Variants in KATNAL1 observed in about 807,000 individuals in gnomAD.
KATNAL1 encodes katanin catalytic subunit A1 like 1.
Under a neutral mutation model 55.2 loss-of-function variants are expected in KATNAL1, and 32 were observed. The observed-to-expected ratio is 0.58, with a 90% CI of 0.44 to 0.78. KATNAL1 has a LOEUF of 0.78. Among genes scored for constraint, KATNAL1 ranks in the 30% least tolerant of loss-of-function variants. The probability of loss-of-function intolerance (pLI) is 0.00; values close to 1 mark genes in which losing one functional copy is unlikely to be tolerated. For synonymous variants in KATNAL1, 193 were observed against 193.6 expected (o/e 1.00, Z 0.02); for missense variants, 466 against 600.9 (o/e 0.78, Z 2.35).
At chr13:30,222,236 C>T (rs555902725) in intron 9 of KATNAL1, among the ~76,000 whole-genome samples, 6 of 152,210 alleles carry the variant, frequency 3.9e-5, no homozygotes, top group South Asian at 2.1e-4. Flanking sequence ...CTGCCCCCAC[C>T]GCCCACACTG....
At chr13:30,229,745 C>G (rs904944468) in intron 8 of KATNAL1, among the ~76,000 whole-genome samples, 11 of 151,924 alleles carry the variant, frequency 7.2e-5, no homozygotes, top group Non-Finnish European at 1.6e-4. Context: ...TTGAGAACCC[C>G]AAAGAGCTTT....
chr13:30,274,751 G>A (rs1311372342), intron 3 of KATNAL1, among the ~76,000 whole-genome samples: 1 of 152,148 alleles, frequency 6.6e-6, no homozygotes, highest in African/African-American at 2.4e-5. Context: ...AAATCAGTGT[G>A]TCAGATCTCT....
chr13:30,240,842 A>G (rs1877198919), intron 5 of KATNAL1, 117 bp downstream of exon 5: 1 of 938,468 alleles, frequency 1.1e-6, no homozygotes, highest in Non-Finnish European at 1.6e-6. Context: ...CTATACTTTC[A>G]TATTATAGAT....
intron 3 of KATNAL1, 114 bp downstream of exon 3, chr13:30,279,949 G>T (rs1881148663): frequency 2.0e-5 from 17 of 839,898 alleles, no homozygotes. Context: ...ATTAAAAACA[G>T]ATACTGAAAT....
intron 9 of KATNAL1, among the ~76,000 whole-genome samples, chr13:30,214,503 A>C (rs1055843172): frequency 4.7e-4 from 71 of 152,164 alleles, no homozygotes; most frequent in African/African-American, 1.5e-3. Context: ...GGAGGCATCA[A>C]GCTACCTGAC....
At chr13:30,257,646 C>A (rs1431415128) in intron 3 of KATNAL1, among the ~76,000 whole-genome samples, 1 of 152,196 alleles carries the variant, frequency 6.6e-6, no homozygotes, top group Non-Finnish European at 1.5e-5. Context: ...CACACAAATC[C>A]CGCTCAGTAA....
At chr13:30,296,471 A>AGACGC in intron 1 of KATNAL1, 1 of 749,532 alleles carries the variant, frequency 1.3e-6, no homozygotes, top group South Asian at 1.4e-5. Flanking sequence ...TAATGTGGCA[A>AGACGC]TCTGAGGATT....
chr13:30,236,630 A>G (rs1247457246), intron 6 of KATNAL1, among the ~76,000 whole-genome samples: 1 of 152,202 alleles, frequency 6.6e-6, no homozygotes, highest in Admixed American at 6.5e-5. Context: ...CCTGTCCTCC[A>G]TACTGCTACA....
intron 4 of KATNAL1, among the ~76,000 whole-genome samples, chr13:30,247,266 C>T (rs1593882891): frequency 6.6e-6 from 1 of 152,150 alleles, no homozygotes; most frequent in Non-Finnish European, 1.5e-5. Flanking sequence ...TAAATTGCAT[C>T]CCACTCTTAA....
intron 1 of KATNAL1, among the ~76,000 whole-genome samples, chr13:30,301,779 C>G (rs1882870856): frequency 6.6e-6 from 1 of 152,184 alleles, no homozygotes; most frequent in South Asian, 2.1e-4. Context: ...TAATTAAATA[C>G]TACTTGTTTT....
chr13:30,232,966 T>C (rs149670716), intron 6 of KATNAL1, among the ~76,000 whole-genome samples: 4 of 152,276 alleles, frequency 2.6e-5, no homozygotes, highest in African/African-American at 9.6e-5. Flanking sequence ...AAAGACCATA[T>C]ACAAAAATAA....
At chr13:30,266,484 A>C (rs1879793207) in intron 3 of KATNAL1, among the ~76,000 whole-genome samples, 1 of 152,228 alleles carries the variant, frequency 6.6e-6, no homozygotes, top group Non-Finnish European at 1.5e-5. Flanking sequence ...TAAGTTTACA[A>C]ATAAGATAAT....
intron 1 of KATNAL1, chr13:30,306,843 A>T (rs1454081190): frequency 6.6e-6 from 1 of 152,296 alleles, no homozygotes; most frequent in Non-Finnish European, 1.5e-5. Flanking sequence ...GCGGCTGCTC[A>T]TCCCTGAGAC....
intron 3 of KATNAL1, among the ~76,000 whole-genome samples, chr13:30,277,908 G>C (rs1336911447): frequency 6.7e-6 from 1 of 148,530 alleles, no homozygotes; most frequent in East Asian, 2.0e-4. Flanking sequence ...GCGTGAACCC[G>C]GGAGGCGGAG....
chr13:30,255,599 T>C lies in KATNAL1; in HGVS notation c.340A>G (p.Arg114Gly). The change falls in exon 4 of 11, where the codon AGG (arginine) becomes GGG (glycine). Residue 114 changes from arginine (R) to glycine (G), a missense_variant. Arg to Gly is a moderately radical substitution (Grantham distance 125). Around this residue, in one of 3 missense-constraint regions of KATNAL1, gnomAD observed 248 missense variants for 275.5 expected, o/e 0.90. Coordinates refer to ENST00000380615, the MANE Select transcript of KATNAL1 (RefSeq NM_032116.5). ...GGTCTTACTTCTCGATTGGGACGCC[T>C]GATCTGAGGTGGAGCTCTGACAAAA... ...PAEHRAPPQI[R>G]RPNREVRPLR... is the part of the protein sequence containing the mutation. 6.7e-7 allele frequency: 1 copy of C among 1,491,302 alleles called. No individual in the cohort carries two copies. The allele number at this position is 1,491,302 out of a possible 1,614,324, so 92.4% of individuals were successfully genotyped here.
At chr13:30,301,908 G>T (rs1289482044) in intron 1 of KATNAL1, among the ~76,000 whole-genome samples, 1 of 152,188 alleles carries the variant, frequency 6.6e-6, no homozygotes, top group Non-Finnish European at 1.5e-5. Flanking sequence ...GTCTCACTCT[G>T]TCGCCCAGCC....
intron 1 of KATNAL1, chr13:30,306,820 C>T (rs914156801): frequency 1.3e-5 from 2 of 152,288 alleles, no homozygotes; most frequent in Non-Finnish European, 2.9e-5. Flanking sequence ...AGACCCGAGG[C>T]CCTGCAGCTT....
chr13:30,263,589 TGA>T (rs1387389834), intron 3 of KATNAL1, among the ~76,000 whole-genome samples: 6 of 152,006 alleles, frequency 3.9e-5, no homozygotes, highest in Admixed American at 6.6e-5. Context: ...GACAAAATCA[TGA>T]GAGAACCAAA....
chr13:30,270,298 TG>T (rs1273898592), intron 3 of KATNAL1, among the ~76,000 whole-genome samples: 4 of 105,688 alleles, frequency 3.8e-5, no homozygotes, highest in Non-Finnish European at 6.0e-5. Flanking sequence ...AGGAGGGAGG[TG>T]GGGGGTCAGC....
Sources: allele counts gnomAD v4.1 joint callset (sites outside exome capture counted in the v4.1 genomes callset), GRCh38; gene constraint gnomAD v4.1.1; regional missense constraint gnomAD v4.1.1; transcripts MANE v1.5; gene names NCBI Gene and HGNC (gene_info 2026-07-23, HGNC 2026-07-21).